The following TMEM117 variants were observed in gnomAD, a reference collection of about 807,000 sequenced individuals.
TMEM117 encodes the protein transmembrane protein 117.
A neutral mutation model predicts 52.4 loss-of-function variants in TMEM117; 27 were observed. That is an observed-to-expected ratio of 0.51 (90% confidence interval 0.38 to 0.71). The LOEUF (loss-of-function observed/expected upper bound fraction) is 0.71, where lower values mean the gene tolerates loss of function less well. TMEM117 is among the 30% of genes least tolerant of loss of function. TMEM117 has a pLI of 0.00. For synonymous variants in TMEM117, 215 were observed against 206.3 expected (o/e 1.04, Z -0.36); for missense variants, 556 against 630.5 (o/e 0.88, Z 1.26).
intron 5 of TMEM117, among the ~76,000 whole-genome samples, chr12:44,252,217 A>AG (rs1283880665): frequency 1.2e-4 from 19 of 152,166 alleles, no homozygotes; most frequent in South Asian, 6.2e-4. Context: ...CCAAAGATTC[A>AG]GCCTGTGGCC....
intron 6 of TMEM117, among the ~76,000 whole-genome samples, chr12:44,325,159 T>C (rs1475511630): frequency 6.6e-6 from 1 of 152,252 alleles, no homozygotes; most frequent in African/African-American, 2.4e-5. Flanking sequence ...AGTTCAATGA[T>C]TCTTTTAAAA....
intron 6 of TMEM117, among the ~76,000 whole-genome samples, chr12:44,367,843 A>G (rs1951810407): frequency 6.6e-6 from 1 of 152,144 alleles, no homozygotes; most frequent in South Asian, 2.1e-4. Context: ...CAGTTGCTCC[A>G]GCCATTCAGA....
At chr12:43,960,192 A>G (rs1945379047) in intron 3 of TMEM117, among the ~76,000 whole-genome samples, 1 of 152,144 alleles carries the variant, frequency 6.6e-6, no homozygotes, top group African/African-American at 2.4e-5. Flanking sequence ...GGCTGGGAGT[A>G]AGGGGCAGAG....
At chr12:43,836,252 CA>C (rs2137332572) in intron 1 of TMEM117, 56 bp downstream of exon 1, 1 of 152,420 alleles carries the variant, frequency 6.6e-6, no homozygotes, top group African/African-American at 2.4e-5. Flanking sequence ...GGTCCAGCCG[CA>C]GCGGAGCCCT....
chr12:43,866,173 C>T (rs1383659338), intron 2 of TMEM117, among the ~76,000 whole-genome samples: 1 of 151,792 alleles, frequency 6.6e-6, no homozygotes, highest in Non-Finnish European at 1.5e-5. Context: ...ACTAAGGTCA[C>T]ATTTCACATA....
intron 6 of TMEM117, among the ~76,000 whole-genome samples, chr12:44,321,402 G>C (rs551749835): frequency 2.6e-5 from 4 of 152,270 alleles, no homozygotes; most frequent in African/African-American, 9.6e-5. Context: ...AAATCAGGGG[G>C]TATGATTGTT....
the TMEM117 span, among the ~76,000 whole-genome samples, chr12:43,821,760 T>C: frequency 6.6e-6 from 1 of 152,248 alleles, no homozygotes; most frequent in African/African-American, 2.4e-5. Context: ...ATTTGTATTC[T>C]GTTTGTGTTA....
intron 5 of TMEM117, among the ~76,000 whole-genome samples, chr12:44,235,904 T>C (rs1231579098): frequency 1.3e-5 from 2 of 151,868 alleles, no homozygotes; most frequent in African/African-American, 2.4e-5. Flanking sequence ...TTTTTTACAT[T>C]AAACATATTG....
chr12:43,893,678 C>A lies in TMEM117; in HGVS notation c.277+48750C>A, dbSNP rs368128252. 2.0e-5 allele frequency among the ~76,000 whole-genome samples: 3 copies of A among 152,252 alleles called. No individual in the cohort carries two copies. In the East Asian group the frequency reaches 5.8e-4, roughly 29 times the overall value. On this transcript the variant is annotated intron_variant, in intron 2 of 7. Coordinates refer to ENST00000266534, the MANE Select transcript of TMEM117 (RefSeq NM_032256.3). ...TTCTTCAAAACCACCTTTTCATGAA[C>A]CTTTCCCTATTCTCTACTTTGAAAT...
chr12:44,001,092 C>T (rs1946109895), intron 3 of TMEM117, among the ~76,000 whole-genome samples: 1 of 152,134 alleles, frequency 6.6e-6, no homozygotes, highest in South Asian at 2.1e-4. Context: ...GTCCCGGAGA[C>T]ATCAGGAAAA....
intron 5 of TMEM117, among the ~76,000 whole-genome samples, chr12:44,236,554 C>T (rs924976195): frequency 2.6e-5 from 4 of 152,060 alleles, no homozygotes; most frequent in African/African-American, 7.2e-5. Flanking sequence ...ATATAATAAG[C>T]GTGGTTGTTT....
chr12:43,974,716 T>A (rs1353059382), intron 3 of TMEM117, among the ~76,000 whole-genome samples: 1 of 152,192 alleles, frequency 6.6e-6, no homozygotes, highest in Non-Finnish European at 1.5e-5. Context: ...TTATCATGTA[T>A]TTAATATAAT....
chr12:44,204,357 C>A (rs2138378066), intron 4 of TMEM117, among the ~76,000 whole-genome samples: 1 of 152,186 alleles, frequency 6.6e-6, no homozygotes, highest in South Asian at 2.1e-4. Flanking sequence ...TACAGCTAAC[C>A]AGGCAGGTGG....
chr12:44,145,905 TC>T (rs899655065), intron 4 of TMEM117, among the ~76,000 whole-genome samples: 1 of 152,224 alleles, frequency 6.6e-6, no homozygotes, highest in Non-Finnish European at 1.5e-5. Flanking sequence ...CATTTTCTTT[TC>T]CACTATGGCA....
At chr12:44,137,615 G>A (rs2138186130) in intron 3 of TMEM117, among the ~76,000 whole-genome samples, 1 of 152,260 alleles carries the variant, frequency 6.6e-6, no homozygotes, top group South Asian at 2.1e-4. Context: ...TCACAATCAT[G>A]GTGGAAAGCA....
At chr12:43,849,389 A>G (rs1478152910) in intron 2 of TMEM117, among the ~76,000 whole-genome samples, 8 of 152,226 alleles carry the variant, frequency 5.3e-5, no homozygotes, top group African/African-American at 1.7e-4. Flanking sequence ...TTGATTGAGA[A>G]TCACACCATT....
intron 3 of TMEM117, among the ~76,000 whole-genome samples, chr12:44,094,088 A>G (rs188965391): frequency 1.7e-4 from 26 of 152,282 alleles, no homozygotes; most frequent in African/African-American, 6.3e-4. Context: ...TGTTTGATAC[A>G]TGACTATAAT....
chr12:44,390,901 C>A (rs540386943), downstream of TMEM117, among the ~76,000 whole-genome samples: 160 of 152,116 alleles, frequency 1.1e-3, 1 homozygote, highest in African/African-American at 3.7e-3. Flanking sequence ...AGTCTTGAAT[C>A]CTGAGTCATA....
intron 2 of TMEM117, among the ~76,000 whole-genome samples, chr12:43,873,017 A>G (rs577402057): frequency 5.3e-5 from 8 of 152,350 alleles, no homozygotes; most frequent in South Asian, 4.1e-4. Flanking sequence ...GAAGATCGGT[A>G]GAGAATTTCA....
Sources: allele counts gnomAD v4.1 joint callset (sites outside exome capture counted in the v4.1 genomes callset), GRCh38; gene constraint gnomAD v4.1.1; transcripts MANE v1.5; gene names NCBI Gene and HGNC (gene_info 2026-07-23, HGNC 2026-07-21).